The following TFCP2 variants were observed in gnomAD, a reference collection of about 807,000 sequenced individuals.
TFCP2 encodes transcription factor CP2, also known as alpha-globin transcription factor CP2.
In TFCP2, 33 loss-of-function variants were observed where a neutral mutation model predicts 73.4. The observed-to-expected ratio is 0.45, with a 90% confidence interval of 0.34 to 0.60. The LOEUF is 0.60. TFCP2 is among the 20% of genes least tolerant of loss of function. The probability of loss-of-function intolerance (pLI) is 0.01; values close to 1 mark genes in which losing one functional copy is unlikely to be tolerated. For missense variants in TFCP2, 352 were observed against 604.0 expected, an observed-to-expected ratio of 0.58 and a Z score of 4.37; for synonymous variants, 193 against 211.6, an observed-to-expected ratio of 0.91 and a Z score of 0.76.
At chr12:51,147,001 T>C (rs889728136) in intron 1 of TFCP2, among the ~76,000 whole-genome samples, 6 of 152,176 alleles carry the variant, frequency 3.9e-5, no homozygotes, top group Admixed American at 3.9e-4. Flanking sequence ...AATGATAGAG[T>C]AAAAATCTGC....
intron 11 of TFCP2, 142 bp from the exon 12 acceptor site, chr12:51,099,921 A>G: frequency 9.7e-7 from 1 of 1,034,542 alleles, no homozygotes; most frequent in East Asian, 2.7e-5. Flanking sequence ...TTAATTTGCT[A>G]TGTTTTATTA....
intron 1 of TFCP2, among the ~76,000 whole-genome samples, chr12:51,130,928 C>A (rs139444423): frequency 3.3e-5 from 5 of 151,362 alleles, no homozygotes; most frequent in Non-Finnish European, 7.4e-5. Context: ...GCAGGGGTTG[C>A]AGTGAGCCGA....
intron 1 of TFCP2, among the ~76,000 whole-genome samples, chr12:51,143,800 G>A (rs1478209253): frequency 6.6e-6 from 1 of 152,074 alleles, no homozygotes; most frequent in Admixed American, 6.6e-5. Flanking sequence ...GGAGTTGAAA[G>A]CTATTCAACA....
At chr12:51,122,310 G>A (rs1252524952) in intron 1 of TFCP2, among the ~76,000 whole-genome samples, 1 of 131,260 alleles carries the variant, frequency 7.6e-6, no homozygotes, top group Non-Finnish European at 1.6e-5. Context: ...CCAGGCTGGA[G>A]TGCAGTGACA....
chr12:51,101,074 C>G (rs1024454268), intron 11 of TFCP2, among the ~76,000 whole-genome samples: 1 of 152,090 alleles, frequency 6.6e-6, no homozygotes, highest in Non-Finnish European at 1.5e-5. Context: ...GAGGCCAAGG[C>G]GGGTGGATCA....
intron 1 of TFCP2, among the ~76,000 whole-genome samples, chr12:51,165,445 TA>T (rs112402143): frequency 9.6e-4 from 139 of 145,494 alleles, no homozygotes; most frequent in African/African-American, 2.1e-3. Context: ...CTTTTAAGAT[TA>T]AAAAAAAAAA....
chr12:51,169,275 T>C (rs1367050506), intron 1 of TFCP2, among the ~76,000 whole-genome samples: 1 of 151,432 alleles, frequency 6.6e-6, no homozygotes, highest in Non-Finnish European at 1.5e-5. Flanking sequence ...CTGAGACGGG[T>C]GGATCACCTG....
chr12:51,146,812 C>T lies in TFCP2; in HGVS notation c.122+25489G>A, dbSNP rs1369651746. 2.0e-5 allele frequency among the ~76,000 whole-genome samples: 3 copies of T among 152,314 alleles called. No homozygotes were observed. The South Asian group carries it at 6.2e-4, about 32-fold the overall frequency. ...GTGCTTTTAGCATATTTATTTCCAG[C>T]CTGTATCACATTTATTTATATACAT... On this transcript the variant is annotated intron_variant, in intron 1 of 14. Transcript: ENST00000257915.
chr12:51,129,924 G>A (rs1037358165), intron 1 of TFCP2, among the ~76,000 whole-genome samples: 2 of 151,790 alleles, frequency 1.3e-5, no homozygotes, highest in African/African-American at 4.8e-5. Context: ...TGAGGCAGGA[G>A]GACTGCTTGA....
At chr12:51,102,149 G>A (rs1940124404) in intron 10 of TFCP2, 124 bp from the exon 11 acceptor site, 1 of 666,320 alleles carries the variant, frequency 1.5e-6, no homozygotes, top group East Asian at 2.7e-5. Context: ...TTTTCTTCAT[G>A]GCATATAAGG....
intron 1 of TFCP2, among the ~76,000 whole-genome samples, chr12:51,133,081 A>G (rs960584206): frequency 2.6e-5 from 4 of 152,266 alleles, no homozygotes; most frequent in South Asian, 4.1e-4. Flanking sequence ...ACTTAATAGT[A>G]ATGGTGAATA....
intron 1 of TFCP2, among the ~76,000 whole-genome samples, chr12:51,135,973 CCT>C (rs982999380): frequency 1.8e-4 from 27 of 151,930 alleles, no homozygotes; most frequent in Middle Eastern, 3.4e-3. Flanking sequence ...TGTTCTAGGC[CCT>C]GTTTTAGGTA....
intron 1 of TFCP2, among the ~76,000 whole-genome samples, chr12:51,139,672 CT>C (rs748416462): frequency 3.3e-5 from 5 of 152,180 alleles, no homozygotes; most frequent in Non-Finnish European, 7.3e-5. Context: ...GACACTGCAC[CT>C]GGCCTCTTTG....
At chr12:51,121,850 A>G (rs552464502) in intron 1 of TFCP2, among the ~76,000 whole-genome samples, 5 of 152,310 alleles carry the variant, frequency 3.3e-5, no homozygotes, top group Non-Finnish European at 5.9e-5. Flanking sequence ...GCTTCTAAAG[A>G]GACAAAAATG....
chr12:51,140,436 TTTC>T (rs1286684848), intron 1 of TFCP2, among the ~76,000 whole-genome samples: 1 of 119,860 alleles, frequency 8.3e-6, no homozygotes, highest in Admixed American at 9.4e-5. Context: ...CTATCTTTCT[TTTC>T]TTTTTCTTTT....
At chr12:51,150,521 C>G (rs7399214) in intron 1 of TFCP2, among the ~76,000 whole-genome samples, 1 of 152,132 alleles carries the variant, frequency 6.6e-6, no homozygotes, top group East Asian at 1.9e-4. Context: ...CAAAACAGGG[C>G]GAATCTCATC....
chr12:51,141,253 A>G (rs1941186532), intron 1 of TFCP2, among the ~76,000 whole-genome samples: 2 of 151,432 alleles, frequency 1.3e-5, no homozygotes, highest in African/African-American at 2.4e-5. Flanking sequence ...AGATTCTGCA[A>G]TATAGCTGAT....
intron 1 of TFCP2, among the ~76,000 whole-genome samples, chr12:51,166,120 G>C (rs1276201248): frequency 2.0e-5 from 3 of 152,008 alleles, no homozygotes; most frequent in Non-Finnish European, 4.4e-5. Flanking sequence ...TTTGAGACCA[G>C]CCTGGCTAAC....
intron 4 of TFCP2, among the ~76,000 whole-genome samples, chr12:51,115,419 C>T (rs1001656662): frequency 7.2e-5 from 11 of 151,846 alleles, no homozygotes; most frequent in Non-Finnish European, 1.3e-4. Flanking sequence ...CGCGCCCGGC[C>T]GAAATTGGAA....
Sources: gnomAD v4.1 joint callset for allele counts (sites outside exome capture counted in the v4.1 genomes callset) on GRCh38, gnomAD v4.1.1 for gene constraint, MANE v1.5 for transcripts, NCBI Gene and HGNC (gene_info 2026-07-23, HGNC 2026-07-21) for gene names.